Variants in SAMMSON observed in about 807,000 individuals in gnomAD.
SAMMSON encodes survival associated mitochondrial melanoma specific oncogenic non-coding RNA, also known as long intergenic non-protein coding RNA 1212.
chr3:70,280,168 A>C (rs1237696948), intron 6 of SAMMSON, among the ~76,000 whole-genome samples: 2 of 151,996 alleles, frequency 1.3e-5, no homozygotes, highest in Non-Finnish European at 2.9e-5. Context: ...GCTGCACTCC[A>C]ATCTCTGTCC....
intron 4 of SAMMSON, among the ~76,000 whole-genome samples, chr3:70,105,106 A>G (rs1213891610): frequency 1.3e-5 from 2 of 152,166 alleles, no homozygotes; most frequent in East Asian, 3.9e-4. Context: ...TTCTCCTTTC[A>G]TAGTCTCCAG....
chr3:70,195,902 TA>T (rs1298772403), intron 4 of SAMMSON, among the ~76,000 whole-genome samples: 2 of 152,154 alleles, frequency 1.3e-5, no homozygotes, highest in African/African-American at 2.4e-5. Context: ...ATCTTTTTCT[TA>T]AAAAAATAAG....
At chr3:70,358,510 T>G (rs925591426) in intron 9 of SAMMSON, among the ~76,000 whole-genome samples, 3 of 152,112 alleles carry the variant, frequency 2.0e-5, no homozygotes. Context: ...ATGCTTCTGG[T>G]TGTTGGCTCA....
chr3:70,014,604 C>G (rs1010701724), intron 3 of SAMMSON: 4 of 152,176 alleles, frequency 2.6e-5, no homozygotes, highest in African/African-American at 4.8e-5. Context: ...AAAGAGGCAC[C>G]TGCCTGTGCC....
At chr3:70,052,377 C>G (rs2067149549) in intron 3 of SAMMSON, among the ~76,000 whole-genome samples, 1 of 152,038 alleles carries the variant, frequency 6.6e-6, no homozygotes, top group Admixed American at 6.6e-5. Flanking sequence ...CAAAAGCCAC[C>G]TCATCTCTTC....
At chr3:70,281,720 C>T (rs773283818) in intron 6 of SAMMSON, among the ~76,000 whole-genome samples, 8 of 152,122 alleles carry the variant, frequency 5.3e-5, no homozygotes, top group Non-Finnish European at 5.9e-5. Flanking sequence ...AAGTGAACTC[C>T]TTCTCGTCTT....
chr3:70,192,075 A>C (rs1277760083), intron 4 of SAMMSON, among the ~76,000 whole-genome samples: 1 of 152,140 alleles, frequency 6.6e-6, no homozygotes, highest in East Asian at 1.9e-4. Flanking sequence ...ATATACTAAG[A>C]GTGTAAGGTG....
intron 6 of SAMMSON, among the ~76,000 whole-genome samples, chr3:70,257,081 T>C: frequency 6.6e-6 from 1 of 152,016 alleles, no homozygotes; most frequent in Non-Finnish European, 1.5e-5. Context: ...CCATGAAAAA[T>C]GAGAGAGGAT....
chr3:70,076,521 A>C (rs934571010), intron 4 of SAMMSON, among the ~76,000 whole-genome samples: 1 of 152,166 alleles, frequency 6.6e-6, no homozygotes, highest in Non-Finnish European at 1.5e-5. Context: ...GTAAATATGC[A>C]TAAAAAAGGG....
At chr3:70,196,634 T>G (rs1241822589) in intron 4 of SAMMSON, among the ~76,000 whole-genome samples, 1 of 152,194 alleles carries the variant, frequency 6.6e-6, no homozygotes. Flanking sequence ...TAACATGCTA[T>G]TTTATAGTCA....
chr3:70,083,649 G>A (rs947905449), intron 4 of SAMMSON, among the ~76,000 whole-genome samples: 1 of 152,082 alleles, frequency 6.6e-6, no homozygotes, highest in Non-Finnish European at 1.5e-5. Flanking sequence ...TGCTCTTTTG[G>A]CTGCCTTCCT....
chr3:70,080,241 C>T (rs2067263036), intron 4 of SAMMSON, among the ~76,000 whole-genome samples: 1 of 152,200 alleles, frequency 6.6e-6, no homozygotes, highest in South Asian at 2.1e-4. Flanking sequence ...AAACAGGTGC[C>T]TCCTAAAATT....
At chr3:70,142,992 A>G (rs1464372793) in intron 4 of SAMMSON, among the ~76,000 whole-genome samples, 2 of 152,168 alleles carry the variant, frequency 1.3e-5, no homozygotes, top group Non-Finnish European at 2.9e-5. Flanking sequence ...AAAGACAAGG[A>G]CACAGAATGA....
At chr3:70,128,537 A>T (rs1421288349) in intron 4 of SAMMSON, among the ~76,000 whole-genome samples, 1 of 152,248 alleles carries the variant, frequency 6.6e-6, no homozygotes, top group African/African-American at 2.4e-5. Flanking sequence ...TGATTGAAAT[A>T]CGGACTCTCA....
chr3:70,050,450 T>C (rs908993962), intron 3 of SAMMSON, among the ~76,000 whole-genome samples: 1 of 152,098 alleles, frequency 6.6e-6, no homozygotes, highest in Non-Finnish European at 1.5e-5. Context: ...AAGACAGGCT[T>C]GAAATTTCAA....
chr3:70,309,833 C>T (rs2106708903), intron 7 of SAMMSON, among the ~76,000 whole-genome samples: 1 of 152,204 alleles, frequency 6.6e-6, no homozygotes, highest in Non-Finnish European at 1.5e-5. Flanking sequence ...TGAGATAAAA[C>T]AGGTCACCTG....
intron 1 of SAMMSON, among the ~76,000 whole-genome samples, chr3:70,008,430 T>A (rs2066939072): frequency 6.6e-6 from 1 of 152,252 alleles, no homozygotes; most frequent in Middle Eastern, 3.4e-3. Flanking sequence ...AGTTCACTCA[T>A]GATTTGGCTC....
chr3:70,378,385 A>G (rs1469531211), intron 9 of SAMMSON, among the ~76,000 whole-genome samples: 1 of 152,026 alleles, frequency 6.6e-6, no homozygotes, highest in Non-Finnish European at 1.5e-5. Flanking sequence ...GATTGTACTT[A>G]TATAAAAATA....
At chr3:70,357,230 C>T (rs897486558) in intron 8 of SAMMSON, among the ~76,000 whole-genome samples, 3 of 152,008 alleles carry the variant, frequency 2.0e-5, no homozygotes, top group Non-Finnish European at 2.9e-5. Flanking sequence ...ATTCAGCTTC[C>T]GTTTTCCTGA....
Sources: allele counts gnomAD v4.1 joint callset (sites outside exome capture counted in the v4.1 genomes callset), GRCh38; gene constraint gnomAD v4.1.1; transcripts MANE v1.5; gene names NCBI Gene and HGNC (gene_info 2026-07-23, HGNC 2026-07-21).